Variants in RHOD observed in about 807,000 individuals in gnomAD.
RHOD encodes the protein rho-related GTP-binding protein RhoD.
Under a neutral mutation model 16.7 loss-of-function variants are expected in RHOD, and 11 were observed. The ratio of observed to expected loss-of-function variants is 0.66; its 90% CI spans 0.41 to 1.09. The LOEUF is 1.09. Ranked by LOEUF, RHOD falls within the 50% of genes least tolerant of loss-of-function variation. The pLI is 0.00. For synonymous variants in RHOD, 124 were observed against 126.3 expected (o/e 0.98, Z 0.12); for missense variants, 271 against 291.7 (o/e 0.93, Z 0.52).
intron 4 of RHOD, 26 bp downstream of exon 4, chr11:67,070,585 G>T (rs771718957): frequency 9.3e-6 from 15 of 1,613,312 alleles, no homozygotes; most frequent in Middle Eastern, 3.5e-4. Flanking sequence ...CGAGGTGGGA[G>T]TTGGGGAGGA....
chr11:67,056,908 G>C lies in RHOD; in HGVS notation c.6G>C (p.Thr2=), dbSNP rs1248236829. The C allele has an allele frequency of 6.9e-7, 1 of 1,455,162 alleles. No individual in the cohort carries two copies. Among genetic ancestry groups the C allele is most frequent in the Non-Finnish European group, 9.0e-7 (1 of 1,112,420 alleles). 90.1% of individuals were successfully genotyped at this position (1,455,162 alleles called of 1,614,324 possible). Residue 2 remains threonine, a synonymous_variant, in exon 1 of 5, where the codon ACG becomes ACC. Coordinates refer to ENST00000308831, the MANE Select transcript of RHOD (RefSeq NM_014578.4). M[T]AAQAAGEEAP... Reference sequence around the variant, plus strand: ...GCTCAGCGCCCGGCCCCGGGATGACGGCGGCCCAGGCCGCGGGTGAGGAGG... The same window carrying C: ...GCTCAGCGCCCGGCCCCGGGATGACCGCGGCCCAGGCCGCGGGTGAGGAGG...
rs1854818455 is a variant in RHOD at position 67,056,917 on chromosome 11, G to A, written c.15G>A (p.Gln5=). 4 of 1,466,554 alleles carry A rather than the reference G, an allele frequency of 2.7e-6. No individual in the cohort carries two copies. Among genetic ancestry groups the A allele is most frequent in the Admixed American group, 2.6e-5 (1 of 38,174 alleles). 90.8% of individuals were successfully genotyped at this position (1,466,554 alleles called of 1,614,324 possible). Residue 5 remains glutamine, a synonymous_variant, in exon 1 of 5, where the codon CAG becomes CAA. Coordinates refer to ENST00000308831, the MANE Select transcript of RHOD (RefSeq NM_014578.4). MTAA[Q]AAGEEAPPGV... ...CCGGCCCCGGGATGACGGCGGCCCA[G>A]GCCGCGGGTGAGGAGGCGCCACCAG...
chr11:67,065,413 C>T (rs1430195464), intron 1 of RHOD, among the ~76,000 whole-genome samples: 1 of 152,042 alleles, frequency 6.6e-6, no homozygotes, highest in Non-Finnish European at 1.5e-5. Flanking sequence ...CAGAGTCTTG[C>T]TCTGTCACCT....
rs1469413581 is a variant in RHOD at position 67,071,559 on chromosome 11, A to G, written c.590A>G (p.Asn197Ser). ...GTGGCCCTCAGCAGCCGCGGTCGCA[A>G]CTTCTGGCGGCGGATTACCCAGGGC... ...AEVALSSRGR[N>S]FWRRITQGFC... The change falls in exon 5 of 5, where the codon AAC (asparagine) becomes AGC (serine). Residue 197 changes from asparagine (N) to serine (S), a missense_variant. Coordinates refer to ENST00000308831, the MANE Select transcript of RHOD (RefSeq NM_014578.4). 4 of 1,611,458 alleles carry G rather than the reference A, an allele frequency of 2.5e-6. No individual in the cohort carries two copies. The highest frequency in any genetic ancestry group is 2.2e-5 in the East Asian group (1 of 44,798).
rs577704477 is a variant in RHOD, at chr11:67,065,808, C to T, written c.133-88C>T. Reference sequence around the variant, plus strand: ...CAAACAACTACGCTCCACTGACCCCCAAGGAGGGAGCAGCGCTGTGGACAG... The same window carrying T: ...CAAACAACTACGCTCCACTGACCCCTAAGGAGGGAGCAGCGCTGTGGACAG... On this transcript the variant is annotated intron_variant, in intron 1 of 4. Transcript: ENST00000308831. 3 of 837,610 alleles carry T rather than the reference C, an allele frequency of 3.6e-6. No individual in the cohort carries two copies. In the South Asian group the frequency reaches 4.8e-5, roughly 13 times the overall value. The allele number at this position is 837,610 out of a possible 1,614,324, so 51.9% of individuals were successfully genotyped here.
chr11:67,056,894 G>A lies in RHOD; in HGVS notation c.-9G>A. On this transcript the variant is annotated 5_prime_UTR_variant, in exon 1 of 5. Coordinates refer to ENST00000308831, the MANE Select transcript of RHOD (RefSeq NM_014578.4). ...CCGCCCGCCCGCCCGCTCAGCGCCC[G>A]GCCCCGGGATGACGGCGGCCCAGGC... 1.4e-6 allele frequency: 2 copies of A among 1,414,108 alleles called. No homozygotes were observed. The highest frequency in any genetic ancestry group is 1.8e-6 in the Non-Finnish European group (2 of 1,094,068). The allele number at this position is 1,414,108 out of a possible 1,614,324, so 87.6% of individuals were successfully genotyped here.
At chr11:67,062,303 G>GTC (rs917188206) in intron 1 of RHOD, among the ~76,000 whole-genome samples, 1 of 152,152 alleles carries the variant, frequency 6.6e-6, no homozygotes, top group Non-Finnish European at 1.5e-5. Context: ...TGAGGAGACT[G>GTC]TCCTAAGGAC....
In RHOD at chr11:67,056,898, C is replaced by T; in HGVS notation, c.-5C>T. ...CCGCCCGCCCGCTCAGCGCCCGGCC[C>T]CGGGATGACGGCGGCCCAGGCCGCG... On this transcript the variant is annotated 5_prime_UTR_variant, in exon 1 of 5. Transcript: ENST00000308831. 1.4e-6 allele frequency: 2 copies of T among 1,440,280 alleles called. No homozygotes were observed. The highest frequency in any genetic ancestry group is 1.8e-6 in the Non-Finnish European group (2 of 1,105,136). The allele number at this position is 1,440,280 out of a possible 1,614,324, so 89.2% of individuals were successfully genotyped here.
intron 1 of RHOD, 71 bp downstream of exon 1, chr11:67,057,105 G>C (rs1324186541): frequency 2.0e-5 from 26 of 1,332,956 alleles, no homozygotes; most frequent in Non-Finnish European, 2.4e-5. Context: ...GTGCCGGAGC[G>C]GCCCAGGCTG....
intron 1 of RHOD, among the ~76,000 whole-genome samples, chr11:67,061,540 G>A (rs1185875880): frequency 4.0e-5 from 6 of 151,506 alleles, no homozygotes; most frequent in Non-Finnish European, 5.9e-5. Context: ...GCTGAGGCAG[G>A]AGAATCGCTT....
At chr11:67,057,407 A>G (rs1854826579) in intron 1 of RHOD, among the ~76,000 whole-genome samples, 1 of 152,208 alleles carries the variant, frequency 6.6e-6, no homozygotes, top group South Asian at 2.1e-4. Context: ...GCCCTTGGGT[A>G]AGTCCCCTAA....
chr11:67,061,790 GTATA>G (rs1158047295), intron 1 of RHOD, among the ~76,000 whole-genome samples: 1 of 138,480 alleles, frequency 7.2e-6, no homozygotes, highest in African/African-American at 2.7e-5. Context: ...GTGTGTGTGT[GTATA>G]TATATATATG....
intron 3 of RHOD, 70 bp downstream of exon 3, chr11:67,066,917 C>A: frequency 2.9e-6 from 3 of 1,020,232 alleles, no homozygotes; most frequent in Non-Finnish European, 4.7e-6. Context: ...CCACCCTCGA[C>A]CCAGCTGACT....
At chr11:67,062,317 T>C (rs1340318731) in intron 1 of RHOD, among the ~76,000 whole-genome samples, 1 of 152,144 alleles carries the variant, frequency 6.6e-6, no homozygotes, top group Non-Finnish European at 1.5e-5. Context: ...TAAGGACACA[T>C]AGCAGGTGAG....
chr11:67,058,733 GGAT>G (rs1854849316), intron 1 of RHOD, among the ~76,000 whole-genome samples: 1 of 152,176 alleles, frequency 6.6e-6, no homozygotes, highest in Non-Finnish European at 1.5e-5. Flanking sequence ...GTTCTTATCA[GGAT>G]GATATCTGTC....
rs541487053 is a variant in RHOD at position 67,060,103 on chromosome 11, C to A, written c.132+3069C>A. ...TTCCCACAGGTTCAAAGCCTAGCAG[C>A]CCCCACACCAGCATGGGGATAGGAG... is the stretch of plus-strand genomic sequence containing the variant. On this transcript the variant is annotated intron_variant, in intron 1 of 4. Coordinates refer to ENST00000308831, the MANE Select transcript of RHOD (RefSeq NM_014578.4). 6.8e-4 allele frequency among the ~76,000 whole-genome samples: 104 copies of A among 152,314 alleles called. 1 individual carries two copies. The highest frequency in any genetic ancestry group is 1.1e-3 in the Non-Finnish European group (73 of 68,004).
chr11:67,066,084 C>G, intron 2 of RHOD, 101 bp downstream of exon 2: 3 of 969,982 alleles, frequency 3.1e-6, no homozygotes, highest in African/African-American at 1.6e-5. Flanking sequence ...GGAGGCCAGC[C>G]AGTCTCCAAG....
intron 3 of RHOD, 41 bp from the exon 4 acceptor site, chr11:67,070,384 G>A: frequency 6.2e-7 from 1 of 1,608,112 alleles, no homozygotes. Flanking sequence ...ACTCTCCAGG[G>A]CTCACACATG....
rs976781181 is a variant in RHOD at position 67,071,273 on chromosome 11, C to T, written c.466-162C>T. On this transcript the variant is annotated intron_variant, in intron 4 of 4. Coordinates refer to ENST00000308831, the MANE Select transcript of RHOD (RefSeq NM_014578.4). ...ATAATAAAAATAAAGAAAAGAAAAA[C>T]AAACATGATGAAGTGCATGAGGGCG... is the stretch of plus-strand genomic sequence containing the variant. Among the ~76,000 whole-genome samples the T allele has an allele frequency of 2.6e-5, 4 of 152,028 alleles. No individual in the cohort carries two copies. In the East Asian group the frequency reaches 7.7e-4, roughly 29 times the overall value.
Sources: allele counts gnomAD v4.1 joint callset (sites outside exome capture counted in the v4.1 genomes callset), GRCh38; gene constraint gnomAD v4.1.1; transcripts MANE v1.5; gene names NCBI Gene and HGNC (gene_info 2026-07-23, HGNC 2026-07-21).